The following PTPRD variants were observed in gnomAD, a reference collection of about 807,000 sequenced individuals.
The protein encoded by PTPRD is protein tyrosine phosphatase receptor type D.
A neutral mutation model predicts 214.5 loss-of-function variants in PTPRD; 34 were observed. The observed-to-expected ratio is 0.16, with a 90% CI of 0.12 to 0.21. The LOEUF (loss-of-function observed/expected upper bound fraction) is 0.21, where lower values mean the gene tolerates loss of function less well. PTPRD is among the 10% of genes least tolerant of loss of function. The pLI is 1.00. For missense variants in PTPRD, 2,545 were observed against 2,398.7 expected, an observed-to-expected ratio of 1.06 and a Z score of -1.27; for synonymous variants, 1,128 against 845.7, an observed-to-expected ratio of 1.33 and a Z score of -5.79.
chr9:9,615,622 T>C (rs1430280893), intron 7 of PTPRD, among the ~76,000 whole-genome samples: 1 of 152,176 alleles, frequency 6.6e-6, no homozygotes. Flanking sequence ...TATCTCCTAG[T>C]TGGATCCAGA....
At chr9:10,471,063 C>T (rs1192248352) in intron 2 of PTPRD, among the ~76,000 whole-genome samples, 2 of 152,112 alleles carry the variant, frequency 1.3e-5, no homozygotes, top group Non-Finnish European at 2.9e-5. Context: ...CCAAACACCA[C>T]ACGTTCTCAC....
At position 8,626,898 on chromosome 9, in the gene PTPRD, C is replaced by T. The variant is rs115845346; in HGVS notation, c.352+6419G>A. 6.3e-3 allele frequency among the ~76,000 whole-genome samples: 953 copies of T among 151,814 alleles called. 14 individuals carry two copies. Among genetic ancestry groups the T allele is most frequent in the African/African-American group, 0.022 (911 of 41,470 alleles). On this transcript the variant is annotated intron_variant, in intron 14 of 45. Transcript: ENST00000381196. ...TGTCAGCTAATTTGTTAAAATAAGG[C>T]TCTTCCTATATATGTATATATTCTG...
chr9:9,791,877 T>G (rs1334450790), intron 5 of PTPRD, among the ~76,000 whole-genome samples: 1 of 152,202 alleles, frequency 6.6e-6, no homozygotes, highest in East Asian at 1.9e-4. Flanking sequence ...GTAAGAATTT[T>G]CTTATGCTTA....
At position 9,348,794 on chromosome 9, in the gene PTPRD, T is replaced by C. The variant is rs116237590; in HGVS notation, c.-203+48655A>G. On this transcript the variant is annotated intron_variant, in intron 9 of 45. Transcript: ENST00000381196. ...TTGTGCTATGGAGATTCACACGGAT[T>C]ATAACAGCTCTGAAGACCTCCACTT... 5.7e-3 allele frequency among the ~76,000 whole-genome samples: 862 copies of C among 152,238 alleles called. 9 individuals are homozygous for C. The highest frequency in any genetic ancestry group is 0.02 in the African/African-American group (824 of 41,568).
intron 5 of PTPRD, among the ~76,000 whole-genome samples, chr9:9,931,897 C>G (rs1193970703): frequency 4.0e-5 from 6 of 150,998 alleles, no homozygotes; most frequent in Non-Finnish European, 8.9e-5. Flanking sequence ...GGCAGACTGC[C>G]TCCTCAAGTG....
Position 8,832,410 on chromosome 9 carries a change from C to CTTTTTTTTTT in PTPRD, c.-103-98474_-103-98465dup, listed in dbSNP as rs5896262. ...TAAAGCAAGGGGCAGCTAAAATCAT[C>CTTTTTTTTTT]TTTTTTTTTTTTTTTTTTTGTCAAA... On this transcript the variant is annotated intron_variant, in intron 11 of 45. Coordinates refer to ENST00000381196, the MANE Select transcript of PTPRD (RefSeq NM_002839.4). Among the ~76,000 whole-genome samples the CTTTTTTTTTT allele has an allele frequency of 9.4e-5, 12 of 127,970 alleles. 5 individuals carry two copies. Among genetic ancestry groups the CTTTTTTTTTT allele is most frequent in the Non-Finnish European group, 3.2e-5 (2 of 62,082 alleles). The allele number at this position is 127,970 out of a possible 152,430, so 84.0% of individuals were successfully genotyped here. A position where few individuals can be genotyped will look rare whatever the true frequency, so the allele number is the denominator to read the frequency against.
intron 14 of PTPRD, among the ~76,000 whole-genome samples, chr9:8,597,728 C>G (rs1015362121): frequency 6.6e-6 from 1 of 151,972 alleles, no homozygotes. Context: ...CACTGTGAGC[C>G]CTAGATGTAA....
chr9:9,920,284 T>C (rs574924960), intron 5 of PTPRD, among the ~76,000 whole-genome samples: 1 of 152,110 alleles, frequency 6.6e-6, no homozygotes, highest in Admixed American at 6.6e-5. Context: ...ATAAGCTGAT[T>C]TGTCTTCTTG....
chr9:9,639,511 C>A lies in PTPRD; in HGVS notation c.-286-64730G>T, dbSNP rs149432180. Among the ~76,000 whole-genome samples, 1,172 of 152,292 alleles carry A rather than the reference C, an allele frequency of 7.7e-3. 15 individuals carry two copies. Among genetic ancestry groups the A allele is most frequent in the African/African-American group, 0.027 (1,124 of 41,556 alleles). ...CAGGCTATGTTTATCTCAATACCTC[C>A]AAAATACGACATTTAGTACTAGGCA... is the stretch of plus-strand genomic sequence containing the variant. On this transcript the variant is annotated intron_variant, in intron 7 of 45. Transcript: ENST00000381196.
intron 9 of PTPRD, among the ~76,000 whole-genome samples, chr9:9,373,872 A>G (rs150028961): frequency 6.6e-6 from 1 of 152,068 alleles, no homozygotes. Flanking sequence ...GAATACTTGC[A>G]TTATTTTCAT....
Position 8,435,700 on chromosome 9 carries a change from TACACAC to T in PTPRD, c.4086+886_4086+891del, listed in dbSNP as rs3043782. On this transcript the variant is annotated intron_variant, in intron 35 of 45. Coordinates refer to ENST00000381196, the MANE Select transcript of PTPRD (RefSeq NM_002839.4). ...ATTGATATATACCACAATATCCAAA[TACACAC>T]ACACACACACACACACACACACACG... Among the ~76,000 whole-genome samples, 285 of 148,876 alleles carry T rather than the reference TACACAC, an allele frequency of 1.9e-3. 1 individual carries two copies. The highest frequency in any genetic ancestry group is 0.012 in the East Asian group (62 of 5,022).
At chr9:8,699,642 T>C (rs1019769011) in intron 12 of PTPRD, among the ~76,000 whole-genome samples, 3 of 152,178 alleles carry the variant, frequency 2.0e-5, no homozygotes, top group Non-Finnish European at 4.4e-5. Context: ...TATAATTTCA[T>C]ATACCAATAT....
intron 11 of PTPRD, among the ~76,000 whole-genome samples, chr9:8,806,714 C>G (rs748554425): frequency 3.9e-5 from 6 of 152,128 alleles, no homozygotes; most frequent in Non-Finnish European, 8.8e-5. Flanking sequence ...AGGTTCTGTT[C>G]TGATGTTTTA....
At chr9:8,594,663 C>A (rs957970104) in intron 14 of PTPRD, among the ~76,000 whole-genome samples, 2 of 151,980 alleles carry the variant, frequency 1.3e-5, no homozygotes, top group African/African-American at 4.8e-5. Context: ...ACTGTTCCTC[C>A]TTCCGACGCT....
chr9:10,038,436 T>C (rs1302395619), intron 3 of PTPRD, among the ~76,000 whole-genome samples: 1 of 152,140 alleles, frequency 6.6e-6, no homozygotes, highest in East Asian at 1.9e-4. Context: ...ATTAATTTGA[T>C]TTTGTGTTCT....
At chr9:8,834,541 G>A (rs377732066) in intron 11 of PTPRD, among the ~76,000 whole-genome samples, 1 of 152,090 alleles carries the variant, frequency 6.6e-6, no homozygotes, top group Non-Finnish European at 1.5e-5. Flanking sequence ...AATACTGACA[G>A]CATTAATACT....
chr9:10,086,507 T>C (rs151291981), intron 3 of PTPRD, among the ~76,000 whole-genome samples: 352 of 151,976 alleles, frequency 2.3e-3, no homozygotes, highest in African/African-American at 8.1e-3. Context: ...GATAGGTCTG[T>C]GCTTGACTTG....
chr9:8,662,488 G>A (rs145803225), intron 12 of PTPRD, among the ~76,000 whole-genome samples: 1 of 152,264 alleles, frequency 6.6e-6, no homozygotes, highest in African/African-American at 2.4e-5. Context: ...TAGTCTATCT[G>A]TAGCCCACAC....
chr9:9,669,650 T>C (rs2096789114), intron 7 of PTPRD, among the ~76,000 whole-genome samples: 1 of 152,182 alleles, frequency 6.6e-6, no homozygotes, highest in Non-Finnish European at 1.5e-5. Context: ...TATATATTTG[T>C]CTTTAATGAA....
Sources: gnomAD v4.1 joint callset for allele counts (sites outside exome capture counted in the v4.1 genomes callset) on GRCh38, gnomAD v4.1.1 for gene constraint, MANE v1.5 for transcripts, NCBI Gene and HGNC (gene_info 2026-07-23, HGNC 2026-07-21) for gene names.